Variants in CTNNBIP1 observed in about 807,000 individuals in gnomAD.
CTNNBIP1 encodes beta-catenin-interacting protein 1.
In CTNNBIP1, 7 loss-of-function variants were observed where a neutral mutation model predicts 11.8. The observed-to-expected ratio is 0.60, with a 90% CI of 0.34 to 1.12. The LOEUF is 1.12. Among genes scored for constraint, CTNNBIP1 ranks in the 50% most tolerant of loss-of-function variants. The pLI is 0.03. For missense variants in CTNNBIP1, 101 were observed against 113.4 expected, an observed-to-expected ratio of 0.89 and a Z score of 0.50; for synonymous variants, 58 against 43.9, an observed-to-expected ratio of 1.32 and a Z score of -1.26.
chr1:9,898,160 C>G (rs1639448008), intron 1 of CTNNBIP1, among the ~76,000 whole-genome samples: 1 of 151,126 alleles, frequency 6.6e-6, no homozygotes, highest in South Asian at 2.1e-4. Context: ...AAAAAGAAAC[C>G]TAGAAGTCAT....
At chr1:9,908,976 C>T (rs988245189) in intron 1 of CTNNBIP1, among the ~76,000 whole-genome samples, 2 of 152,190 alleles carry the variant, frequency 1.3e-5, no homozygotes, top group Non-Finnish European at 2.9e-5. Flanking sequence ...TTTAACAGCC[C>T]GCACCTTTAT....
At chr1:9,861,683 A>G (rs1638629833) in intron 5 of CTNNBIP1, among the ~76,000 whole-genome samples, 1 of 152,216 alleles carries the variant, frequency 6.6e-6, no homozygotes, top group Admixed American at 6.5e-5. Flanking sequence ...GCCAGCTCCC[A>G]GTAGAGACAT....
chr1:9,896,592 T>G (rs1023308157), intron 1 of CTNNBIP1, among the ~76,000 whole-genome samples: 1 of 151,954 alleles, frequency 6.6e-6, no homozygotes, highest in African/African-American at 2.4e-5. Context: ...CCCAGGATTT[T>G]GGGAGGCCGA....
At chr1:9,854,025 G>C (rs1214499176) in intron 5 of CTNNBIP1, among the ~76,000 whole-genome samples, 2 of 152,104 alleles carry the variant, frequency 1.3e-5, no homozygotes, top group Non-Finnish European at 2.9e-5. Flanking sequence ...CATATCAATA[G>C]GATAAAGGAC....
intron 5 of CTNNBIP1, among the ~76,000 whole-genome samples, chr1:9,870,476 G>T (rs1638838406): frequency 6.6e-6 from 1 of 152,196 alleles, no homozygotes; most frequent in South Asian, 2.1e-4. Context: ...TACATCCCGG[G>T]ACTCCCCAGT....
At chr1:9,909,706 C>T (rs1218357196) in intron 1 of CTNNBIP1, among the ~76,000 whole-genome samples, 1 of 152,086 alleles carries the variant, frequency 6.6e-6, no homozygotes, top group African/African-American at 2.4e-5. Context: ...GGAAGGGCGG[C>T]CCAGCGTTTA....
chr1:9,850,848 C>A, intron 5 of CTNNBIP1, 72 bp from the exon 6 acceptor site: 3 of 1,466,344 alleles, frequency 2.0e-6, no homozygotes, highest in Non-Finnish European at 2.9e-6. Flanking sequence ...AGCAAGGAGG[C>A]TGCGGCCAAG....
chr1:9,900,007 G>A (rs940078445), intron 1 of CTNNBIP1, among the ~76,000 whole-genome samples: 3 of 151,822 alleles, frequency 2.0e-5, no homozygotes, highest in Non-Finnish European at 4.4e-5. Context: ...CCAGGAGGCA[G>A]AGGTTGAAGT....
chr1:9,882,417 T>C (rs1639101780), intron 2 of CTNNBIP1, among the ~76,000 whole-genome samples: 1 of 152,144 alleles, frequency 6.6e-6, no homozygotes, highest in Admixed American at 6.5e-5. Flanking sequence ...AGGTTAAGTT[T>C]GAGTCGCCTC....
At chr1:9,850,893 C>A in intron 5 of CTNNBIP1, 117 bp from the exon 6 acceptor site, 1 of 928,136 alleles carries the variant, frequency 1.1e-6, no homozygotes, top group South Asian at 1.3e-5. Context: ...GCGGCACTCT[C>A]TGAGGACAAA....
At chr1:9,868,523 C>G (rs79348600) in intron 5 of CTNNBIP1, among the ~76,000 whole-genome samples, 1 of 152,108 alleles carries the variant, frequency 6.6e-6, no homozygotes, top group African/African-American at 2.4e-5. Flanking sequence ...TTTAACTTTC[C>G]CTTATGACAA....
At chr1:9,894,919 T>C (rs905740809) in intron 1 of CTNNBIP1, among the ~76,000 whole-genome samples, 8 of 146,538 alleles carry the variant, frequency 5.5e-5, no homozygotes, top group Non-Finnish European at 9.0e-5. Flanking sequence ...TTTTTTTTTT[T>C]TTTTTTGAGA....
chr1:9,874,201 C>G (rs947036536), intron 3 of CTNNBIP1, among the ~76,000 whole-genome samples: 1 of 152,204 alleles, frequency 6.6e-6, no homozygotes, highest in Non-Finnish European at 1.5e-5. Flanking sequence ...AGCCTTTGTA[C>G]TGGGTGTCCC....
chr1:9,883,183 G>A lies in CTNNBIP1; in HGVS notation c.-110+522C>T, dbSNP rs866081329. ...TGGAAGGAAGTCCAACCTGCCAAGC[G>A]GAGGGCATTGGGCCCTGGTCAGGAG... On this transcript the variant is annotated intron_variant, in intron 2 of 5. Coordinates refer to ENST00000377263, the MANE Select transcript of CTNNBIP1 (RefSeq NM_020248.3). The surrounding 1 kb of genome is among the most constrained non-coding windows in gnomAD (Gnocchi z 5.6). Among the ~76,000 whole-genome samples the A allele has an allele frequency of 5.3e-5, 8 of 152,296 alleles. No individual in the cohort carries two copies. The Middle Eastern group carries it at 0.01, about 194-fold the overall frequency.
chr1:9,890,848 T>A, intron 1 of CTNNBIP1, among the ~76,000 whole-genome samples: 1 of 152,132 alleles, frequency 6.6e-6, no homozygotes, highest in East Asian at 1.9e-4. Context: ...GCAAGCTGAC[T>A]AAGTCCCCAA....
At chr1:9,864,939 T>C (rs1638712506) in intron 5 of CTNNBIP1, among the ~76,000 whole-genome samples, 1 of 152,216 alleles carries the variant, frequency 6.6e-6, no homozygotes, top group African/African-American at 2.4e-5. Flanking sequence ...TAAAAAAGCA[T>C]GTGGCTGGGC....
intron 1 of CTNNBIP1, among the ~76,000 whole-genome samples, chr1:9,900,984 C>T (rs1036857220): frequency 2.0e-5 from 3 of 152,156 alleles, no homozygotes; most frequent in Admixed American, 1.3e-4. Flanking sequence ...ACTTTTGCTC[C>T]CTTCTTGGTA....
At chr1:9,882,951 C>T (rs1333485864) in intron 2 of CTNNBIP1, among the ~76,000 whole-genome samples, 3 of 152,182 alleles carry the variant, frequency 2.0e-5, no homozygotes, top group African/African-American at 7.2e-5. Context: ...CGGGAAACAT[C>T]AGGGGCACTT....
intron 1 of CTNNBIP1, among the ~76,000 whole-genome samples, chr1:9,908,354 C>T (rs1313004678): frequency 2.1e-5 from 3 of 141,892 alleles, no homozygotes; most frequent in Admixed American, 7.2e-5. Context: ...ACTGAGTCCG[C>T]CCTGATCCAC....
Sources: allele counts gnomAD v4.1 joint callset (sites outside exome capture counted in the v4.1 genomes callset), GRCh38; gene constraint gnomAD v4.1.1; non-coding constraint Gnocchi (gnomAD v3.1); transcripts MANE v1.5; gene names NCBI Gene and HGNC (gene_info 2026-07-23, HGNC 2026-07-21).